Variants in NKD1 observed in about 807,000 individuals in gnomAD.
The protein encoded by NKD1 is NKD inhibitor of Wnt signaling pathway 1, also known as protein naked cuticle homolog 1.
NKD1 carries 21 observed loss-of-function variants against 56.0 expected under a neutral mutation model. The observed-to-expected ratio is 0.38, with a 90% CI of 0.27 to 0.54. NKD1 has a LOEUF of 0.54. NKD1 is among the 20% of genes least tolerant of loss of function. The pLI is 0.82. For missense variants in NKD1, 578 were observed against 642.7 expected (o/e 0.90, Z 1.09); for synonymous variants, 263 against 265.7 (o/e 0.99, Z 0.10).
chr16:50,605,515 T>C (rs1294061356), intron 3 of NKD1, among the ~76,000 whole-genome samples: 3 of 152,194 alleles, frequency 2.0e-5, no homozygotes, highest in African/African-American at 7.2e-5. Context: ...CAGCCAACCA[T>C]AGATAGAAAA....
intron 3 of NKD1, among the ~76,000 whole-genome samples, chr16:50,580,590 A>G (rs150236373): frequency 1.3e-5 from 2 of 152,342 alleles, no homozygotes; most frequent in African/African-American, 2.4e-5. Flanking sequence ...TTTGGCAGAA[A>G]TTGCAACCTG....
rs1324539451 is a variant in NKD1, at chr16:50,641,767, C to T, written c.*7986C>T. 1 of 152,380 alleles carries T rather than the reference C, an allele frequency of 6.6e-6. No individual in the cohort carries two copies. The highest frequency in any genetic ancestry group is 1.5e-5 in the Non-Finnish European group (1 of 68,190). 9.4% of individuals were successfully genotyped at this position (152,380 alleles called of 1,614,324 possible). Reference sequence around the variant, plus strand: ...GACAGGAGGATGGCTAAGGGAGCAGCTTCAGGCATGGGAGGACTTTCATGG... The same window carrying T: ...GACAGGAGGATGGCTAAGGGAGCAGTTTCAGGCATGGGAGGACTTTCATGG... On this transcript the variant is annotated 3_prime_UTR_variant, in exon 10 of 10. Coordinates refer to ENST00000268459, the MANE Select transcript of NKD1 (RefSeq NM_033119.5).
chr16:50,646,737 G>A lies in NKD1; in HGVS notation c.*12956G>A, dbSNP rs1420382984. The A allele has an allele frequency of 6.6e-6, 1 of 152,296 alleles. No homozygotes were observed. Among genetic ancestry groups the A allele is most frequent in the African/African-American group, 2.4e-5 (1 of 41,440 alleles). 9.4% of individuals were successfully genotyped at this position (152,296 alleles called of 1,614,324 possible). A position where few individuals can be genotyped will look rare whatever the true frequency, so the allele number is the denominator to read the frequency against. On this transcript the variant is annotated 3_prime_UTR_variant, in exon 10 of 10. Transcript: ENST00000268459. ...AACAACACCCTGGAACACCCAAGGG[G>A]GCTCCAAGGCAGGATGGGACCCCCT...
In NKD1 at chr16:50,560,822, C is replaced by CTAT. The variant is rs1444147313; in HGVS notation, c.192+11267_192+11268insTAT. ...ACTTTACACACACCTATACCCAAACCCATCTATCTATCTATCTATCTATCT... is the reference window on the plus strand; with the variant it reads ...ACTTTACACACACCTATACCCAAACCTATCATCTATCTATCTATCTATCTATCT... On this transcript the variant is annotated intron_variant, in intron 3 of 9. Coordinates refer to ENST00000268459, the MANE Select transcript of NKD1 (RefSeq NM_033119.5). Among the ~76,000 whole-genome samples, 1,160 of 143,964 alleles carry CTAT rather than the reference C, an allele frequency of 8.1e-3. 10 individuals carry two copies. Among genetic ancestry groups the CTAT allele is most frequent in the African/African-American group, 0.028 (1,064 of 37,802 alleles). The allele number at this position is 143,964 out of a possible 152,430, so 94.4% of individuals were successfully genotyped here.
chr16:50,647,247 A>C lies in NKD1; in HGVS notation c.*13466A>C, dbSNP rs1654417219. 6.6e-6 allele frequency: 1 copy of C among 152,212 alleles called. No homozygotes were observed. The highest frequency in any genetic ancestry group is 3.2e-3 in the Middle Eastern group (1 of 316). 9.4% of individuals were successfully genotyped at this position (152,212 alleles called of 1,614,324 possible). A position where few individuals can be genotyped will look rare whatever the true frequency, so the allele number is the denominator to read the frequency against. On this transcript the variant is annotated 3_prime_UTR_variant, in exon 10 of 10. Transcript: ENST00000268459. ...TTTGCCAGTGACTGATTCAGGAAAG[A>C]TCATGTGTGACCTTATTCTGGGCAA...
At position 50,598,298 on chromosome 16, in the gene NKD1, G is replaced by A. The variant is rs115736251; in HGVS notation, c.193-9996G>A. Among the ~76,000 whole-genome samples, 1,580 of 151,368 alleles carry A rather than the reference G, an allele frequency of 0.01. 30 individuals carry two copies. Among genetic ancestry groups the A allele is most frequent in the African/African-American group, 0.037 (1,500 of 40,850 alleles). On this transcript the variant is annotated intron_variant, in intron 3 of 9. Coordinates refer to ENST00000268459, the MANE Select transcript of NKD1 (RefSeq NM_033119.5). The surrounding 1 kb of genome is among the most constrained non-coding windows in gnomAD (Gnocchi z 4.2). ...CTGTGCTCATGGACACTCTTGTCCT[G>A]TCCGTAAAATGAGGCCTCAGGGTAT...
rs372715233 is a variant in NKD1 at position 50,633,499 on chromosome 16, G to A, written c.1131G>A (p.Ala377=). The A allele has an allele frequency of 2.9e-5, 46 of 1,610,526 alleles. No individual in the cohort carries two copies. The highest frequency in any genetic ancestry group is 3.3e-5 in the Admixed American group (2 of 59,764). The change falls in exon 10 of 10, where the codon GCG becomes GCA. Residue 377 remains alanine (A), a synonymous_variant. Coordinates refer to ENST00000268459, the MANE Select transcript of NKD1 (RefSeq NM_033119.5). The surrounding 1 kb of genome is among the most constrained non-coding windows in gnomAD (Gnocchi z 4.9). Reference sequence around the variant, plus strand: ...CCCCTCTGGGACCCGCCATCCCTGCGGTGTCCCCCTCCGCCCACCTGGCTG... The same window carrying A: ...CCCCTCTGGGACCCGCCATCCCTGCAGTGTCCCCCTCCGCCCACCTGGCTG... The part of the protein sequence containing the change: ...NKPPLGPAIP[A]VSPSAHLAAS...
At chr16:50,613,927 G>A (rs1961906369) in intron 4 of NKD1, among the ~76,000 whole-genome samples, 1 of 152,162 alleles carries the variant, frequency 6.6e-6, no homozygotes, top group South Asian at 2.1e-4. Flanking sequence ...GGAAAAAAAG[G>A]CCAGAATGTT....
chr16:50,575,308 A>T lies in NKD1; in HGVS notation c.192+25753A>T, dbSNP rs570774730. 62 of 985,374 alleles carry T rather than the reference A, an allele frequency of 6.3e-5. 1 individual carries two copies. The East Asian group carries it at 6.8e-3, about 108-fold the overall frequency. The allele number at this position is 985,374 out of a possible 1,614,324, so 61.0% of individuals were successfully genotyped here. ...CAGTGCCCAGAGGCTGGCTGGTTTT[A>T]TAGGCGGGTGGTTCACAAGTGTTTG... On this transcript the variant is annotated intron_variant, in intron 3 of 9. Transcript: ENST00000268459.
intron 3 of NKD1, among the ~76,000 whole-genome samples, chr16:50,594,393 A>C (rs1466996957): frequency 6.6e-6 from 1 of 152,188 alleles, no homozygotes; most frequent in Non-Finnish European, 1.5e-5. Flanking sequence ...GATTCCTCCA[A>C]CTACCCGCGT....
rs1407262559 is a variant in NKD1 at position 50,647,765 on chromosome 16, C to G, written c.*13984C>G. On this transcript the variant is annotated 3_prime_UTR_variant, in exon 10 of 10. Transcript: ENST00000268459. ...ACAGAAATGATTCCTACAGGGGATA[C>G]AAGCCAGGCACAGGCAGTGTCTGTT... 6.6e-6 allele frequency: 1 copy of G among 152,248 alleles called. No homozygotes were observed. Among genetic ancestry groups the G allele is most frequent in the East Asian group, 1.9e-4 (1 of 5,204 alleles). The allele number at this position is 152,248 out of a possible 1,614,324, so 9.4% of individuals were successfully genotyped here.
intron 3 of NKD1, among the ~76,000 whole-genome samples, chr16:50,570,515 C>G (rs1960857797): frequency 6.6e-6 from 1 of 152,216 alleles, no homozygotes; most frequent in Non-Finnish European, 1.5e-5. Context: ...CTGGCCCTGC[C>G]ACTTACTAGC....
chr16:50,596,104 G>A (rs1961466055), intron 3 of NKD1, among the ~76,000 whole-genome samples: 1 of 152,238 alleles, frequency 6.6e-6, no homozygotes, highest in African/African-American at 2.4e-5. Context: ...TCCTATGCAT[G>A]TACAGTGAGA....
intron 3 of NKD1, among the ~76,000 whole-genome samples, chr16:50,569,944 G>A (rs192208685): frequency 2.0e-5 from 3 of 152,272 alleles, no homozygotes; most frequent in Admixed American, 6.5e-5. Flanking sequence ...GGTTGGAGCC[G>A]GGCGGGCACT....
intron 8 of NKD1, among the ~76,000 whole-genome samples, chr16:50,631,813 G>C (rs1050294421): frequency 6.6e-6 from 1 of 152,206 alleles, no homozygotes; most frequent in African/African-American, 2.4e-5. Context: ...ACACTGGTGA[G>C]GCCCATCCTG....
intron 3 of NKD1, chr16:50,554,031 T>C (rs1343806846): frequency 6.6e-6 from 1 of 152,292 alleles, no homozygotes; most frequent in Non-Finnish European, 1.5e-5. Flanking sequence ...AGCGCTTTAA[T>C]GGGTCTTTGT....
At chr16:50,548,687 C>A in intron 1 of NKD1, 30 bp from the exon 2 acceptor site, 3 of 1,464,166 alleles carry the variant, frequency 2.0e-6, no homozygotes, top group Non-Finnish European at 1.8e-6. Flanking sequence ...CGGCTGCCGC[C>A]GCCGCCGCCG....
At chr16:50,578,494 T>A (rs911226357) in intron 3 of NKD1, among the ~76,000 whole-genome samples, 2 of 152,164 alleles carry the variant, frequency 1.3e-5, no homozygotes, top group African/African-American at 4.8e-5. Context: ...CTTCTGCTTC[T>A]TCAGCTGGCC....
chr16:50,563,667 T>C (rs1328266406), intron 3 of NKD1, among the ~76,000 whole-genome samples: 1 of 115,640 alleles, frequency 8.6e-6, no homozygotes. Context: ...AAGCCCTGGA[T>C]GCATGGAGAA....
Sources: allele counts gnomAD v4.1 joint callset (sites outside exome capture counted in the v4.1 genomes callset), GRCh38; gene constraint gnomAD v4.1.1; non-coding constraint Gnocchi (gnomAD v3.1); transcripts MANE v1.5; gene names NCBI Gene and HGNC (gene_info 2026-07-23, HGNC 2026-07-21).